Variants in RAD50 observed in about 807,000 individuals in gnomAD.
RAD50 encodes the protein DNA repair protein RAD50.
RAD50 carries 132 observed loss-of-function variants against 168.8 expected under a neutral mutation model. The ratio of observed to expected loss-of-function variants is 0.78; its 90% confidence interval spans 0.68 to 0.90. The LOEUF (loss-of-function observed/expected upper bound fraction) is 0.90, where lower values mean the gene tolerates loss of function less well. RAD50 is among the 40% of genes least tolerant of loss of function. RAD50 has a pLI of 0.00. For missense variants in RAD50, 1,347 were observed against 1,534.4 expected (o/e 0.88, Z 2.04); for synonymous variants, 525 against 497.4 (o/e 1.06, Z -0.74).
rs767464821 is a variant in RAD50 at position 132,604,063 on chromosome 5, CCTT to C, written c.2524+20_2524+22del. The stretch of plus-strand genomic sequence containing the variant: ...TAGACACAGGTAATACAGTCTGTGT[CCTT>C]CTGTACTCATAGAGACTTTGACATT... On this transcript the variant is annotated intron_variant, in intron 15 of 24. Transcript: ENST00000378823. 6 of 1,612,648 alleles carry C rather than the reference CCTT, an allele frequency of 3.7e-6. No individual in the cohort carries two copies. The Admixed American group carries it at 8.3e-5, about 22-fold the overall frequency.
At chr5:132,598,356 T>G (rs1334108699) in intron 13 of RAD50, among the ~76,000 whole-genome samples, 2 of 152,184 alleles carry the variant, frequency 1.3e-5, no homozygotes, top group African/African-American at 2.4e-5. Context: ...GGCCACAGTT[T>G]CCCCTCTAAG....
intron 13 of RAD50, among the ~76,000 whole-genome samples, chr5:132,599,785 C>T (rs2706372): frequency 0.33 from 49,420 of 151,684 alleles, 10,604 homozygotes; most frequent in African/African-American, 0.62. Context: ...GTCAGGTTGA[C>T]TTCAAATTCC....
intron 23 of RAD50, among the ~76,000 whole-genome samples, chr5:132,639,242 A>C (rs1347589058): frequency 1.3e-5 from 2 of 151,728 alleles, no homozygotes; most frequent in African/African-American, 4.9e-5. Context: ...AATCCCAGCT[A>C]CTCGGGAGGC....
intron 10 of RAD50, among the ~76,000 whole-genome samples, 168 bp from the exon 11 acceptor site, chr5:132,591,709 G>T (rs1750702912): frequency 6.6e-6 from 1 of 152,038 alleles, no homozygotes; most frequent in Non-Finnish European, 1.5e-5. Flanking sequence ...GGCTTAGAAA[G>T]ACCATCCCCA....
chr5:132,563,377 T>G (rs1369485427), intron 2 of RAD50, among the ~76,000 whole-genome samples: 8 of 152,228 alleles, frequency 5.3e-5, no homozygotes, highest in Admixed American at 1.3e-4. Context: ...ATTATATGAT[T>G]GGAAACTTTA....
At chr5:132,567,294 A>G (rs1750225906) in intron 2 of RAD50, among the ~76,000 whole-genome samples, 1 of 152,260 alleles carries the variant, frequency 6.6e-6, no homozygotes, top group African/African-American at 2.4e-5. Context: ...AGTATGTGAA[A>G]CAACTATTTT....
intron 2 of RAD50, among the ~76,000 whole-genome samples, chr5:132,562,388 C>T (rs967854549): frequency 2.0e-5 from 3 of 151,982 alleles, no homozygotes; most frequent in Non-Finnish European, 4.4e-5. Flanking sequence ...TAGGTGGCTT[C>T]ATTAAGGTAG....
chr5:132,617,146 G>T (rs1179933788), intron 20 of RAD50, among the ~76,000 whole-genome samples: 1 of 152,118 alleles, frequency 6.6e-6, no homozygotes, highest in Non-Finnish European at 1.5e-5. Context: ...CCAAGCCTCA[G>T]TTCTTTTACA....
intron 21 of RAD50, 35 bp from the exon 22 acceptor site, chr5:132,637,080 T>G: frequency 6.6e-7 from 1 of 1,518,344 alleles, no homozygotes; most frequent in Non-Finnish European, 8.9e-7. Flanking sequence ...AATTATTTTT[T>G]ATATATATGA....
chr5:132,570,297 C>A (rs922554828), intron 2 of RAD50, among the ~76,000 whole-genome samples: 4 of 152,092 alleles, frequency 2.6e-5, no homozygotes, highest in Non-Finnish European at 4.4e-5. Context: ...AAGAGCAAAG[C>A]CCCTTATACT....
At position 132,587,558 on chromosome 5, in the gene RAD50, T is replaced by C. The variant is rs1554098154; in HGVS notation, c.757-4T>C. On this transcript the variant is annotated splice_region_variant and splice_polypyrimidine_tract_variant and intron_variant, in intron 5 of 24. Transcript: ENST00000378823. ...TTATTTATGTAATGTTTCTTTATTT[T>C]CAGAATCGTCTAAAAGAAATTGAAC... The C allele has an allele frequency of 1.2e-6, 2 of 1,612,472 alleles. No individual in the cohort carries two copies. Among genetic ancestry groups the C allele is most frequent in the Non-Finnish European group, 8.5e-7 (1 of 1,179,400 alleles).
chr5:132,558,783 G>A (rs895496973), intron 1 of RAD50, among the ~76,000 whole-genome samples: 2 of 149,618 alleles, frequency 1.3e-5, no homozygotes, highest in African/African-American at 4.9e-5. Context: ...ACTGTAATCC[G>A]AGCCGTTTGG....
In RAD50 at chr5:132,595,690, A is replaced by T. The variant is rs1750779013; in HGVS notation, c.2087A>T (p.Glu696Val). 5 of 1,613,910 alleles carry T rather than the reference A, an allele frequency of 3.1e-6. No homozygotes were observed. The highest frequency in any genetic ancestry group is 4.2e-6 in the Non-Finnish European group (5 of 1,179,774). ...TTTCAGACAGAGGCTGAGTTACAAG[A>T]AGTCATCAGTGATTTGCAGTCTAAA... is the stretch of plus-strand genomic sequence containing the variant. The part of the protein sequence containing the change: ...RVFQTEAELQ[E>V]VISDLQSKLR... Residue 696 changes from glutamate to valine, a missense_variant, in exon 13 of 25, where the codon GAA (glutamate) becomes GTA (valine). Glu to Val is a moderately radical substitution (Grantham distance 121). This residue lies in a region of RAD50 where 635 missense variants were observed against 739.2 expected (regional missense o/e 0.86). Transcript: ENST00000378823.
At chr5:132,634,903 A>T (rs1440246394) in intron 21 of RAD50, among the ~76,000 whole-genome samples, 1 of 152,082 alleles carries the variant, frequency 6.6e-6, no homozygotes, top group South Asian at 2.1e-4. Context: ...CTTGGTCATG[A>T]TATATTCTTT....
chr5:132,557,398 T>A lies in RAD50; in HGVS notation c.74T>A (p.Ile25Asn). 6.2e-7 allele frequency: 1 copy of A among 1,614,116 alleles called. No homozygotes were observed. The highest frequency in any genetic ancestry group is 8.5e-7 in the Non-Finnish European group (1 of 1,179,942). ...FGIEDKDKQI[I>N]TFFSPLTILV... The stretch of plus-strand genomic sequence containing the variant: ...ATAGAGGACAAAGATAAGCAAATTA[T>A]CACTTTCTTCAGCCCCCTTACAATT... The change falls in exon 1 of 25, where the codon ATC becomes AAC. Residue 25 changes from isoleucine (I) to asparagine (N), a missense_variant. By Grantham distance (149) the Ile-to-Asn change is moderately radical (BLOSUM62 -3). Around this residue, in one of 3 missense-constraint regions of RAD50, gnomAD observed 703 missense variants for 767.7 expected, o/e 0.92. Transcript: ENST00000378823.
intron 8 of RAD50, 142 bp from the exon 9 acceptor site, chr5:132,589,489 A>G: frequency 1.5e-6 from 1 of 646,960 alleles, no homozygotes; most frequent in Non-Finnish European, 2.6e-6. Flanking sequence ...CTAATGATGC[A>G]TTTCTTGGAA....
chr5:132,624,653 C>T (rs936761320), intron 21 of RAD50, among the ~76,000 whole-genome samples: 1 of 152,086 alleles, frequency 6.6e-6, no homozygotes, highest in Non-Finnish European at 1.5e-5. Context: ...AATCCTAGCA[C>T]TTTGGGAGTC....
chr5:132,559,488 C>A, intron 2 of RAD50, 121 bp downstream of exon 2: 1 of 959,364 alleles, frequency 1.0e-6, no homozygotes, highest in Non-Finnish European at 1.5e-6. Flanking sequence ...ACAGTTTTAG[C>A]ACCCAGTAGT....
intron 16 of RAD50, among the ~76,000 whole-genome samples, chr5:132,608,136 G>A (rs1253899282): frequency 6.6e-6 from 1 of 152,198 alleles, no homozygotes; most frequent in African/African-American, 2.4e-5. Context: ...GGACAGAAGT[G>A]TTTTTACCAT....
Sources: allele counts gnomAD v4.1 joint callset (sites outside exome capture counted in the v4.1 genomes callset), GRCh38; gene constraint gnomAD v4.1.1; regional missense constraint gnomAD v4.1.1; transcripts MANE v1.5; gene names NCBI Gene and HGNC (gene_info 2026-07-23, HGNC 2026-07-21).